Variants in ANKRD17 observed in about 807,000 individuals in gnomAD.
ANKRD17 encodes ankyrin repeat domain-containing protein 17.
A neutral mutation model predicts 229.7 loss-of-function variants in ANKRD17; 19 were observed. That is an observed-to-expected ratio of 0.08 (90% CI 0.06 to 0.12). The LOEUF (loss-of-function observed/expected upper bound fraction) is 0.12. Among genes scored for constraint, ANKRD17 ranks in the 10% least tolerant of loss-of-function variants. ANKRD17 has a pLI of 1.00. For synonymous variants in ANKRD17, 1,112 were observed against 1,146.1 expected, an observed-to-expected ratio of 0.97 and a Z score of 0.60; for missense variants, 2,176 against 3,176.8, an observed-to-expected ratio of 0.68 and a Z score of 7.57.
chr4:73,175,425 TG>T (rs1476270615), intron 2 of ANKRD17, among the ~76,000 whole-genome samples: 1 of 152,090 alleles, frequency 6.6e-6, no homozygotes, highest in African/African-American at 2.4e-5. Flanking sequence ...AAGATTTTGG[TG>T]GGGACACAGA....
intron 29 of ANKRD17, among the ~76,000 whole-genome samples, chr4:73,085,936 A>G (rs886943019): frequency 6.6e-6 from 1 of 152,064 alleles, no homozygotes; most frequent in African/African-American, 2.4e-5. Flanking sequence ...GGCTGCAATG[A>G]GCTGTGATGG....
chr4:73,098,722 A>G, intron 25 of ANKRD17: 3 of 896,534 alleles, frequency 3.3e-6, no homozygotes, highest in Non-Finnish European at 5.4e-6. Context: ...AATAGCAGGT[A>G]GTTATAAAAA....
chr4:73,206,422 AAGTGAGAGAGAGAGAG>A (rs1366754900), intron 1 of ANKRD17, among the ~76,000 whole-genome samples: 1 of 144,688 alleles, frequency 6.9e-6, no homozygotes, highest in African/African-American at 2.7e-5. Flanking sequence ...GAGAGAAAGA[AAGTGAGAGAGAGAGAG>A]AGAGAGAGAG....
chr4:73,233,564 C>T (rs1034718734), intron 1 of ANKRD17, among the ~76,000 whole-genome samples: 3 of 152,108 alleles, frequency 2.0e-5, no homozygotes, highest in Non-Finnish European at 2.9e-5. Context: ...TTCTTCAGTT[C>T]TTTTTGAAGG....
At chr4:73,175,777 C>T (rs542271098) in intron 2 of ANKRD17, among the ~76,000 whole-genome samples, 4 of 152,128 alleles carry the variant, frequency 2.6e-5, no homozygotes, top group South Asian at 2.1e-4. Context: ...AACTAGACCC[C>T]GATCTCTCAC....
intron 29 of ANKRD17, among the ~76,000 whole-genome samples, chr4:73,086,311 T>C (rs1722116975): frequency 6.6e-6 from 1 of 152,168 alleles, no homozygotes; most frequent in South Asian, 2.1e-4. Flanking sequence ...AATGTATGTG[T>C]ATTTGTGAGA....
chr4:73,221,682 C>A (rs1318050884), intron 1 of ANKRD17, among the ~76,000 whole-genome samples: 1 of 152,088 alleles, frequency 6.6e-6, no homozygotes, highest in African/African-American at 2.4e-5. Flanking sequence ...TTTTACCACA[C>A]ATTTTTAAGG....
intron 29 of ANKRD17, 86 bp downstream of exon 29, chr4:73,090,581 G>C (rs1263576520): frequency 6.6e-7 from 1 of 1,526,300 alleles, no homozygotes; most frequent in Non-Finnish European, 9.0e-7. Context: ...ATCGTCCAGA[G>C]AATAAAAATA....
intron 30 of ANKRD17, among the ~76,000 whole-genome samples, chr4:73,083,937 A>C (rs139215152): frequency 0.017 from 2,608 of 151,982 alleles, 59 homozygotes; most frequent in African/African-American, 0.046. Context: ...AGTTAAAAAA[A>C]AAAACAAAAC....
intron 1 of ANKRD17, among the ~76,000 whole-genome samples, chr4:73,257,108 C>G (rs1745521530): frequency 6.6e-6 from 1 of 152,316 alleles, no homozygotes; most frequent in Middle Eastern, 3.4e-3. Context: ...AGATGAATCA[C>G]TTGGTCTCCT....
In ANKRD17 at chr4:73,139,872, A is replaced by G. The variant is rs1729398477; in HGVS notation, c.2744T>C (p.Val915Ala). 1 of 1,614,064 alleles carries G rather than the reference A, an allele frequency of 6.2e-7. No individual in the cohort carries two copies. The highest frequency in any genetic ancestry group is 8.5e-7 in the Non-Finnish European group (1 of 1,180,042). ...CTCAGAAAGCTGCTCTCCAACTCCAACAGGAGTTAGTAATCCCAGGTGTTG... is the reference window on the plus strand; with the variant it reads ...CTCAGAAAGCTGCTCTCCAACTCCAGCAGGAGTTAGTAATCCCAGGTGTTG... ...SCQHLGLLTP[V>A]GVGEQLSEGD... is the part of the protein sequence containing the mutation. Residue 915 changes from valine (V) to alanine (A), a missense_variant, in exon 15 of 34, where the codon GTT (valine) becomes GCT (alanine). Val to Ala is a moderately conservative substitution (Grantham distance 64, BLOSUM62 0). Coordinates refer to ENST00000358602, the MANE Select transcript of ANKRD17 (RefSeq NM_032217.5).
chr4:73,171,181 GAGA>G (rs1560645951), intron 2 of ANKRD17, among the ~76,000 whole-genome samples: 25 of 46,946 alleles, frequency 5.3e-4, no homozygotes, highest in Admixed American at 1.4e-3. Context: ...AGAGGGGGGA[GAGA>G]GAGAGAGAGA....
Position 73,121,606 on chromosome 4 carries a change from A to G in ANKRD17, c.3635+11T>C. 1 of 1,613,562 alleles carries G rather than the reference A, an allele frequency of 6.2e-7. No individual in the cohort carries two copies. The highest frequency in any genetic ancestry group is 8.5e-7 in the Non-Finnish European group (1 of 1,179,584). ...TAAATAAGGGGCTTACAGAAAGGGA[A>G]TACAACTTGCCTAGAGTTAATCTCA... On this transcript the variant is annotated intron_variant, in intron 19 of 33. Coordinates refer to ENST00000358602, the MANE Select transcript of ANKRD17 (RefSeq NM_032217.5).
chr4:73,212,836 T>C (rs1740478708), intron 1 of ANKRD17, among the ~76,000 whole-genome samples: 1 of 150,322 alleles, frequency 6.7e-6, no homozygotes. Context: ...GCCAACATTG[T>C]GAAACCCCGT....
chr4:73,189,928 T>C (rs1178274728), intron 1 of ANKRD17, among the ~76,000 whole-genome samples: 2 of 152,130 alleles, frequency 1.3e-5, no homozygotes, highest in African/African-American at 4.8e-5. Context: ...ATAGAACACA[T>C]TATGACTAAC....
At position 73,147,322 on chromosome 4, in the gene ANKRD17, T is replaced by C; in HGVS notation, c.1678A>G (p.Ile560Val). ...AAAGGGGTAGAACACCCTAGTTCTA[T>C]ATCGGCTCCTGCCTTAATTAGAAAG... ...ADFLIKAGAD[I>V]ELGCSTPLME... is the part of the protein sequence containing the mutation. Residue 560 changes from isoleucine (I) to valine (V), a missense_variant, in exon 9 of 34, where the codon ATA becomes GTA. By Grantham distance (29) the Ile-to-Val change is conservative (BLOSUM62 3). Coordinates refer to ENST00000358602, the MANE Select transcript of ANKRD17 (RefSeq NM_032217.5). 1 of 1,610,112 alleles carries C rather than the reference T, an allele frequency of 6.2e-7. No homozygotes were observed. Among genetic ancestry groups the C allele is most frequent in the Non-Finnish European group, 8.5e-7 (1 of 1,177,698 alleles).
chr4:73,111,873 T>G (rs1725363291), intron 24 of ANKRD17, among the ~76,000 whole-genome samples: 4 of 152,246 alleles, frequency 2.6e-5, no homozygotes, highest in African/African-American at 9.6e-5. Flanking sequence ...CCAGACACTA[T>G]TTTATGTTCT....
chr4:73,097,307 G>C, intron 26 of ANKRD17, 35 bp from the exon 27 acceptor site: 3 of 1,503,434 alleles, frequency 2.0e-6, no homozygotes, highest in Non-Finnish European at 2.7e-6. Flanking sequence ...ATTAAATATG[G>C]AACAGATGTA....
rs1722795929 is a variant in ANKRD17, at chr4:73,091,514, A to G, written c.6114T>C (p.Tyr2038=). 6.2e-7 allele frequency: 1 copy of G among 1,613,962 alleles called. No individual in the cohort carries two copies. The highest frequency in any genetic ancestry group is 8.5e-7 in the Non-Finnish European group (1 of 1,180,020). Residue 2038 remains tyrosine, a synonymous_variant, in exon 29 of 34, where the codon TAT becomes TAC. Transcript: ENST00000358602. ...TYPMPTAKEH[Y]PVSSPSSPSP... is the part of the protein sequence containing the mutation. ...ATGGGGAAGATGGGGATGATACTGGATAGTGTTCTTTGGCAGTAGGCATAG... is the reference window on the plus strand; with the variant it reads ...ATGGGGAAGATGGGGATGATACTGGGTAGTGTTCTTTGGCAGTAGGCATAG...
Sources: allele counts gnomAD v4.1 joint callset (sites outside exome capture counted in the v4.1 genomes callset), GRCh38; gene constraint gnomAD v4.1.1; transcripts MANE v1.5; gene names NCBI Gene and HGNC (gene_info 2026-07-23, HGNC 2026-07-21).